MRPL45: variants seen among roughly 807,000 people sequenced by gnomAD.
MRPL45 encodes the protein mitochondrial ribosomal protein L45.
A neutral mutation model predicts 38.1 loss-of-function variants in MRPL45; 20 were observed. That is an observed-to-expected ratio of 0.53 (90% CI 0.37 to 0.76). The LOEUF is 0.76. Ranked by LOEUF, MRPL45 falls within the 30% of genes least tolerant of loss-of-function variation. The pLI is 0.00. For missense variants in MRPL45, 337 were observed against 395.6 expected, an observed-to-expected ratio of 0.85 and a Z score of 1.26; for synonymous variants, 105 against 128.8, an observed-to-expected ratio of 0.82 and a Z score of 1.25.
chr17:38,308,148 C>T (rs573738529), intron 4 of MRPL45, among the ~76,000 whole-genome samples: 15 of 151,858 alleles, frequency 9.9e-5, no homozygotes, highest in Non-Finnish European at 1.8e-4. Flanking sequence ...TTTTTTTCCC[C>T]CTTTTTGAGA....
chr17:38,309,063 C>T (rs1311769489), intron 4 of MRPL45, among the ~76,000 whole-genome samples: 8 of 151,040 alleles, frequency 5.3e-5, no homozygotes, highest in South Asian at 2.1e-4. Flanking sequence ...CCTGCCACCA[C>T]GCCCAGCTAA....
At position 38,299,232 on chromosome 17, in the gene MRPL45, A is replaced by G. The variant is rs1428312473; in HGVS notation, c.245-119A>G. The G allele has an allele frequency of 6.9e-5, 44 of 638,926 alleles. No homozygotes were observed. The East Asian group carries it at 1.3e-3, about 19-fold the overall frequency. The allele number at this position is 638,926 out of a possible 1,614,324, so 39.6% of individuals were successfully genotyped here. A position where few individuals can be genotyped will look rare whatever the true frequency, so the allele number is the denominator to read the frequency against. ...TGTAACATAGTTCTCTCTACATGGA[A>G]GTCTGTTTCATTAGTCTACTTCATA... is the stretch of plus-strand genomic sequence containing the variant. On this transcript the variant is annotated intron_variant, in intron 2 of 7. Coordinates refer to ENST00000613675, the MANE Select transcript of MRPL45 (RefSeq NM_032351.6).
At chr17:38,311,451 G>T (rs2037110607) in intron 4 of MRPL45, among the ~76,000 whole-genome samples, 1 of 152,120 alleles carries the variant, frequency 6.6e-6, no homozygotes, top group South Asian at 2.1e-4. Flanking sequence ...ACTTTGGGAG[G>T]CTGAGGCAGG....
intron 5 of MRPL45, among the ~76,000 whole-genome samples, chr17:38,319,996 G>A (rs1351211507): frequency 1.3e-5 from 2 of 152,260 alleles, no homozygotes; most frequent in Admixed American, 1.3e-4. Context: ...CCAGCTACTC[G>A]GGAAGCTGAG....
chr17:38,301,726 C>T (rs2036997849), intron 3 of MRPL45, among the ~76,000 whole-genome samples: 1 of 152,202 alleles, frequency 6.6e-6, no homozygotes, highest in African/African-American at 2.4e-5. Flanking sequence ...TTTTACCATG[C>T]AGTTCTCTTC....
chr17:38,317,973 T>C (rs890501443), intron 4 of MRPL45, among the ~76,000 whole-genome samples: 1 of 151,934 alleles, frequency 6.6e-6, no homozygotes, highest in African/African-American at 2.4e-5. Context: ...AAAGACATGA[T>C]TATCTTTGAC....
chr17:38,299,129 C>T (rs1449996223), intron 2 of MRPL45, among the ~76,000 whole-genome samples: 1 of 152,056 alleles, frequency 6.6e-6, no homozygotes. Flanking sequence ...ACTTTGTGAT[C>T]CGCCCGCCTC....
intron 5 of MRPL45, among the ~76,000 whole-genome samples, chr17:38,319,286 C>T (rs183724558): frequency 3.3e-5 from 5 of 152,070 alleles, no homozygotes; most frequent in Non-Finnish European, 5.9e-5. Flanking sequence ...CCGGCCACCT[C>T]GGCTTCCCAA....
At chr17:38,303,354 A>G (rs1318614263) in intron 3 of MRPL45, among the ~76,000 whole-genome samples, 38 of 138,654 alleles carry the variant, frequency 2.7e-4, no homozygotes, top group East Asian at 2.2e-4. Context: ...CTGGAGTGCA[A>G]TGGTATGATC....
chr17:38,303,516 G>T (rs2037020691), intron 3 of MRPL45, among the ~76,000 whole-genome samples: 1 of 151,420 alleles, frequency 6.6e-6, no homozygotes, highest in South Asian at 2.1e-4. Flanking sequence ...GGCTGGTCTC[G>T]AACTCCTGAC....
chr17:38,306,120 C>G (rs1053018813), intron 3 of MRPL45, among the ~76,000 whole-genome samples: 17 of 151,444 alleles, frequency 1.1e-4, no homozygotes, highest in African/African-American at 4.1e-4. Context: ...ATTAAAAAAT[C>G]AATTATTGGC....
intron 1 of MRPL45, 38 bp downstream of exon 1, chr17:38,297,287 C>A: frequency 6.4e-7 from 1 of 1,574,654 alleles, no homozygotes; most frequent in African/African-American, 1.4e-5. Context: ...CTAGGGGCTA[C>A]AGGAGAGGAC....
At position 38,298,482 on chromosome 17, in the gene MRPL45, C is replaced by A; in HGVS notation, c.100C>A (p.Pro34Thr). Residue 34 changes from proline (P) to threonine (T), a missense_variant, in exon 2 of 8, where the codon CCA becomes ACA. By Grantham distance (38) the Pro-to-Thr change is conservative (BLOSUM62 -1). Transcript: ENST00000613675. The stretch of plus-strand genomic sequence containing the variant: ...GGTGACTCAGTCCGCAGCTATAGTT[C>A]CAGTAAGAACTAAAAAACGTTTCAC... ...VLVTQSAAIVPVRTKKRFTPP... is the reference protein window; with the variant it reads ...VLVTQSAAIVTVRTKKRFTPP... 1.2e-6 allele frequency: 2 copies of A among 1,613,892 alleles called. No individual in the cohort carries two copies. The highest frequency in any genetic ancestry group is 2.2e-5 in the South Asian group (2 of 91,074).
Position 38,298,462 on chromosome 17 carries a change from C to T in MRPL45, c.80C>T (p.Thr27Ile). 1 of 1,613,720 alleles carries T rather than the reference C, an allele frequency of 6.2e-7. No homozygotes were observed. The highest frequency in any genetic ancestry group is 8.5e-7 in the Non-Finnish European group (1 of 1,179,778). The change falls in exon 2 of 8, where the codon ACT (threonine) becomes ATT (isoleucine). Residue 27 changes from threonine to isoleucine, a missense_variant. Transcript: ENST00000613675. Reference protein sequence around the residue: ...GWWSRQPVLVTQSAAIVPVRT... With the variant: ...GWWSRQPVLVIQSAAIVPVRT... ...TTTACCTTCCAGCCAGTTCTGGTGA[C>T]TCAGTCCGCAGCTATAGTTCCAGTA... is the stretch of plus-strand genomic sequence containing the variant.
chr17:38,322,032 A>G (rs78402411), intron 6 of MRPL45, 94 bp from the exon 7 acceptor site: 1 of 224,812 alleles, frequency 4.4e-6, no homozygotes, highest in East Asian at 1.5e-4. Flanking sequence ...ACTCTGTCTC[A>G]AAAAAAAAAA....
chr17:38,316,958 T>C (rs539109806), intron 4 of MRPL45, among the ~76,000 whole-genome samples: 2 of 152,066 alleles, frequency 1.3e-5, no homozygotes, highest in South Asian at 2.1e-4. Context: ...CCACTGTACC[T>C]GGCTAATTTT....
chr17:38,313,673 T>A (rs2037147569), intron 4 of MRPL45, among the ~76,000 whole-genome samples: 1 of 151,684 alleles, frequency 6.6e-6, no homozygotes, highest in African/African-American at 2.4e-5. Context: ...GGTCTTTTTT[T>A]TTTTTTTGAG....
At chr17:38,306,469 G>T in intron 3 of MRPL45, 64 bp from the exon 4 acceptor site, 2 of 1,435,422 alleles carry the variant, frequency 1.4e-6, no homozygotes, top group South Asian at 1.3e-5. Context: ...ATGGAGGTCA[G>T]TGTAGGCTGT....
chr17:38,297,333 T>C (rs2036946841), intron 1 of MRPL45, 84 bp downstream of exon 1: 1 of 1,325,116 alleles, frequency 7.5e-7, no homozygotes, highest in African/African-American at 1.5e-5. Context: ...CAATTGTCCT[T>C]GGTGAGCTGG....
Sources: gnomAD v4.1 joint callset for allele counts (sites outside exome capture counted in the v4.1 genomes callset) on GRCh38, gnomAD v4.1.1 for gene constraint, MANE v1.5 for transcripts, NCBI Gene and HGNC (gene_info 2026-07-23, HGNC 2026-07-21) for gene names.